Variants in GRIK4 observed in about 807,000 individuals in gnomAD.
The protein encoded by GRIK4 is glutamate ionotropic receptor kainate type subunit 4, also known as glutamate receptor ionotropic, kainate 4.
GRIK4 carries 40 observed loss-of-function variants against 104.9 expected under a neutral mutation model. The observed-to-expected ratio is 0.38, with a 90% CI of 0.30 to 0.50. The LOEUF is 0.50. Among genes scored for constraint, GRIK4 ranks in the 20% least tolerant of loss-of-function variants. The pLI, the probability that GRIK4 is intolerant of heterozygous loss-of-function variation, is 0.93. For missense variants in GRIK4, 1,047 were observed against 1,308.1 expected, an observed-to-expected ratio of 0.80 and a Z score of 3.08; for synonymous variants, 485 against 524.9, an observed-to-expected ratio of 0.92 and a Z score of 1.04.
At chr11:120,757,285 G>A (rs115929503) in intron 3 of GRIK4, among the ~76,000 whole-genome samples, 1,807 of 152,330 alleles carry the variant, frequency 0.012, 30 homozygotes, top group African/African-American at 0.041. Flanking sequence ...GCCTTGGGGC[G>A]TCCAGAAGGT....
intron 3 of GRIK4, among the ~76,000 whole-genome samples, chr11:120,779,712 A>G (rs1340413220): frequency 6.6e-6 from 1 of 152,184 alleles, no homozygotes; most frequent in African/African-American, 2.4e-5. Flanking sequence ...CTCTATACCT[A>G]AATCATGAGG....
At chr11:120,984,557 G>A (rs1944706203) in intron 20 of GRIK4, among the ~76,000 whole-genome samples, 1 of 151,950 alleles carries the variant, frequency 6.6e-6, no homozygotes, top group South Asian at 2.1e-4. Flanking sequence ...TCATGAGGTC[G>A]GCAGTTCAAG....
chr11:120,835,504 G>A (rs1279530629), intron 7 of GRIK4, among the ~76,000 whole-genome samples: 1 of 151,048 alleles, frequency 6.6e-6, no homozygotes, highest in Admixed American at 6.6e-5. Context: ...CTCCAGCCTG[G>A]GTGACAGAGT....
At chr11:120,762,873 C>A (rs908603879) in intron 3 of GRIK4, among the ~76,000 whole-genome samples, 2 of 152,168 alleles carry the variant, frequency 1.3e-5, no homozygotes, top group African/African-American at 4.8e-5. Flanking sequence ...AATCGATGTT[C>A]ATCAGGAATA....
chr11:120,603,597 C>A (rs771726627), intron 1 of GRIK4, among the ~76,000 whole-genome samples: 1 of 152,168 alleles, frequency 6.6e-6, no homozygotes, highest in Non-Finnish European at 1.5e-5. Context: ...TCACGACAAG[C>A]CTGCCCTGGA....
At chr11:120,864,243 T>G (rs1282142819) in intron 9 of GRIK4, among the ~76,000 whole-genome samples, 1 of 150,728 alleles carries the variant, frequency 6.6e-6, no homozygotes, top group African/African-American at 2.4e-5. Flanking sequence ...ATTTATTTAT[T>G]TATTTATTTA....
chr11:120,853,459 A>G (rs1954022117), intron 8 of GRIK4, among the ~76,000 whole-genome samples: 1 of 152,176 alleles, frequency 6.6e-6, no homozygotes. Flanking sequence ...GATTTGAGTT[A>G]GAGATGATGG....
At chr11:120,534,572 A>G (rs1365232397) in intron 1 of GRIK4, among the ~76,000 whole-genome samples, 6 of 152,202 alleles carry the variant, frequency 3.9e-5, no homozygotes, top group Admixed American at 2.0e-4. Context: ...CACAGCCAGG[A>G]GAGAGGTTGC....
intron 1 of GRIK4, among the ~76,000 whole-genome samples, chr11:120,518,660 G>A (rs1243058105): frequency 6.6e-6 from 1 of 152,122 alleles, no homozygotes; most frequent in Non-Finnish European, 1.5e-5. Flanking sequence ...GTCTGGCTCT[G>A]TTGGCAGAGT....
chr11:120,850,741 A>G (rs1461699955), intron 8 of GRIK4, among the ~76,000 whole-genome samples: 1 of 151,552 alleles, frequency 6.6e-6, no homozygotes, highest in Non-Finnish European at 1.5e-5. Flanking sequence ...TTGAGATTTA[A>G]TGAATGTTTG....
chr11:120,602,764 G>A (rs1397478497), intron 1 of GRIK4, among the ~76,000 whole-genome samples: 1 of 152,156 alleles, frequency 6.6e-6, no homozygotes, highest in Admixed American at 6.5e-5. Flanking sequence ...GTGCAGTGGT[G>A]CAGTCATAGC....
intron 11 of GRIK4, among the ~76,000 whole-genome samples, chr11:120,891,539 T>C (rs1292092374): frequency 6.6e-6 from 1 of 152,172 alleles, no homozygotes; most frequent in Non-Finnish European, 1.5e-5. Flanking sequence ...CTCTTAAAGA[T>C]AGGCTGAAGG....
chr11:120,791,747 TTTG>T (rs1952398883), intron 3 of GRIK4, among the ~76,000 whole-genome samples: 1 of 152,218 alleles, frequency 6.6e-6, no homozygotes, highest in African/African-American at 2.4e-5. Flanking sequence ...GTCCATTTTT[TTTG>T]TTAATTTTTG....
intron 3 of GRIK4, among the ~76,000 whole-genome samples, chr11:120,802,026 C>T (rs776008515): frequency 3.3e-5 from 5 of 152,226 alleles, no homozygotes; most frequent in Admixed American, 6.5e-5. Flanking sequence ...CTGAATAAGT[C>T]ACACTGATTA....
intron 11 of GRIK4, among the ~76,000 whole-genome samples, chr11:120,890,303 A>G (rs1366557253): frequency 3.3e-5 from 5 of 152,140 alleles, no homozygotes; most frequent in Admixed American, 6.5e-5. Flanking sequence ...CAGCTTATGC[A>G]TGGGAGAGGA....
chr11:120,554,983 G>A (rs1948173679), intron 1 of GRIK4, among the ~76,000 whole-genome samples: 1 of 152,186 alleles, frequency 6.6e-6, no homozygotes, highest in Admixed American at 6.5e-5. Flanking sequence ...TAGGCAGAGG[G>A]AGACCGCAAC....
intron 3 of GRIK4, among the ~76,000 whole-genome samples, chr11:120,797,231 T>C (rs1952537208): frequency 6.6e-6 from 1 of 152,088 alleles, no homozygotes; most frequent in South Asian, 2.1e-4. Flanking sequence ...GCCCCAGACC[T>C]CCCAGCCTCA....
chr11:120,629,701 T>C (rs1316006116), intron 1 of GRIK4, among the ~76,000 whole-genome samples: 6 of 152,178 alleles, frequency 3.9e-5, no homozygotes, highest in Admixed American at 3.9e-4. Flanking sequence ...AGGCAGAAAG[T>C]TTCCCTGCCA....
At chr11:120,669,569 C>G (rs1345025476) in intron 3 of GRIK4, among the ~76,000 whole-genome samples, 1 of 152,260 alleles carries the variant, frequency 6.6e-6, no homozygotes, top group Non-Finnish European at 1.5e-5. Flanking sequence ...GCCCAGATTG[C>G]TAAATCCAGT....
Sources: allele counts gnomAD v4.1 joint callset (sites outside exome capture counted in the v4.1 genomes callset), GRCh38; gene constraint gnomAD v4.1.1; transcripts MANE v1.5; gene names NCBI Gene and HGNC (gene_info 2026-07-23, HGNC 2026-07-21).